Variants in DSCAML1 observed in about 807,000 individuals in gnomAD.
DSCAML1 encodes the protein cell adhesion molecule DSCAML1.
In DSCAML1, 38 loss-of-function variants were observed where a neutral mutation model predicts 200.5. The ratio of observed to expected loss-of-function variants is 0.19; its 90% CI spans 0.15 to 0.25. DSCAML1 has a LOEUF of 0.25. Among genes scored for constraint, DSCAML1 ranks in the 10% least tolerant of loss-of-function variants. DSCAML1 has a pLI of 1.00. For synonymous variants in DSCAML1, 1,215 were observed against 1,165.0 expected (o/e 1.04, Z -0.87); for missense variants, 2,223 against 2,858.8 (o/e 0.78, Z 5.07).
At chr11:117,526,062 C>T (rs149119719) in intron 4 of DSCAML1, among the ~76,000 whole-genome samples, 9 of 152,350 alleles carry the variant, frequency 5.9e-5, no homozygotes, top group African/African-American at 7.2e-5. Context: ...AAAACCATAG[C>T]GCCTGCGGGC....
chr11:117,447,569 A>G (rs1164939862), intron 20 of DSCAML1, among the ~76,000 whole-genome samples: 1 of 152,172 alleles, frequency 6.6e-6, no homozygotes, highest in Non-Finnish European at 1.5e-5. Context: ...ATTTTCTATA[A>G]TAAAATTGCA....
Position 117,518,877 on chromosome 11 carries a change from A to G in DSCAML1, c.1214-115T>C. 1 of 1,146,638 alleles carries G rather than the reference A, an allele frequency of 8.7e-7. No homozygotes were observed. The highest frequency in any genetic ancestry group is 1.2e-6 in the Non-Finnish European group (1 of 832,642). 71.0% of individuals were successfully genotyped at this position (1,146,638 alleles called of 1,614,324 possible). ...AAAGCAGCCATAAGAGCAAACAAGA[A>G]CTTTTGTGTACATCAATTCTTCTGC... On this transcript the variant is annotated intron_variant, in intron 6 of 32. Transcript: ENST00000651296. The surrounding 1 kb of genome is among the most constrained non-coding windows in gnomAD (Gnocchi z 6.3).
chr11:117,609,753 A>T (rs1248863431), intron 3 of DSCAML1, among the ~76,000 whole-genome samples: 1 of 151,958 alleles, frequency 6.6e-6, no homozygotes, highest in Non-Finnish European at 1.5e-5. Context: ...TTTTATTTTT[A>T]TCTATTGCCA....
At chr11:117,442,017 C>A (rs1487756354) in intron 21 of DSCAML1, among the ~76,000 whole-genome samples, 1 of 127,554 alleles carries the variant, frequency 7.8e-6, no homozygotes, top group Non-Finnish European at 1.6e-5. Flanking sequence ...TGTGCATCTG[C>A]ATGTGAGTGT....
intron 14 of DSCAML1, among the ~76,000 whole-genome samples, chr11:117,478,297 C>T (rs563100499): frequency 2.0e-5 from 3 of 152,284 alleles, no homozygotes; most frequent in African/African-American, 7.2e-5. Flanking sequence ...CACCTCCCAT[C>T]CCAGATGTGC....
chr11:117,503,812 G>C lies in DSCAML1; in HGVS notation c.2359+33C>G. Reference sequence around the variant, plus strand: ...GAGCCGGGGCTTGGCTGTGATTTGGGGGTGCTAGGGGGCGTGTGGGGACAG... The same window carrying C: ...GAGCCGGGGCTTGGCTGTGATTTGGCGGTGCTAGGGGGCGTGTGGGGACAG... On this transcript the variant is annotated intron_variant, in intron 11 of 32. Transcript: ENST00000651296. This position sits in a 1 kb window ranked among gnomAD's most constrained non-coding sequence, Gnocchi z 5.2. 6.2e-7 allele frequency: 1 copy of C among 1,600,030 alleles called. No individual in the cohort carries two copies. Among genetic ancestry groups the C allele is most frequent in the East Asian group, 2.2e-5 (1 of 44,654 alleles).
At chr11:117,577,526 C>T (rs150393180) in intron 3 of DSCAML1, among the ~76,000 whole-genome samples, 18 of 53,626 alleles carry the variant, frequency 3.4e-4, no homozygotes, top group African/African-American at 7.1e-4. Context: ...TCCTTCCTTC[C>T]TTCCTTCCTT....
Position 117,650,108 on chromosome 11 carries a change from G to A in DSCAML1, c.512-117586C>T, listed in dbSNP as rs191581483. ...GACTAGAGCTGTGGTCCCCAGATAC[G>A]GCTCCTCACTGGCATTATCTGTGAA... On this transcript the variant is annotated intron_variant, in intron 3 of 32. Transcript: ENST00000651296. 1.5e-4 allele frequency among the ~76,000 whole-genome samples: 23 copies of A among 152,260 alleles called. No individual in the cohort carries two copies. The East Asian group carries it at 3.7e-3, about 24-fold the overall frequency.
intron 1 of DSCAML1, among the ~76,000 whole-genome samples, chr11:117,781,123 C>T (rs1174916852): frequency 6.6e-6 from 1 of 151,836 alleles, no homozygotes; most frequent in African/African-American, 2.4e-5. Context: ...ATGATGAAAC[C>T]CCGTTTCTAC....
intron 3 of DSCAML1, among the ~76,000 whole-genome samples, chr11:117,586,716 G>A: frequency 6.6e-6 from 1 of 152,206 alleles, no homozygotes; most frequent in East Asian, 1.9e-4. Flanking sequence ...TAAGGGCAGG[G>A]AGAGCCTTCA....
intron 3 of DSCAML1, among the ~76,000 whole-genome samples, chr11:117,550,001 C>T (rs990094203): frequency 4.6e-5 from 7 of 152,166 alleles, no homozygotes; most frequent in Non-Finnish European, 8.8e-5. Context: ...AACCTTTCCA[C>T]ACTGGGTCAT....
At chr11:117,654,820 G>T (rs1439008468) in intron 3 of DSCAML1, among the ~76,000 whole-genome samples, 1 of 152,178 alleles carries the variant, frequency 6.6e-6, no homozygotes, top group African/African-American at 2.4e-5. Context: ...GGCGTGGAGG[G>T]CACTGAGCGG....
intron 2 of DSCAML1, among the ~76,000 whole-genome samples, chr11:117,777,482 A>G (rs2055148516): frequency 6.6e-6 from 1 of 152,200 alleles, no homozygotes; most frequent in South Asian, 2.1e-4. Flanking sequence ...CTCCTTCAAC[A>G]TGAAAGGCAG....
At chr11:117,740,371 T>A (rs1242326676) in intron 3 of DSCAML1, among the ~76,000 whole-genome samples, 3 of 152,146 alleles carry the variant, frequency 2.0e-5, no homozygotes, top group Non-Finnish European at 2.9e-5. Context: ...TCTATCTACA[T>A]CTAACATTAA....
chr11:117,480,503 G>C lies in DSCAML1; in HGVS notation c.2725C>G (p.Gln909Glu). Reference protein sequence around the residue: ...KARSMNLRWTQRFDGNSIITG... With the variant: ...KARSMNLRWTERFDGNSIITG... ...ATGATGCTGTTCCCGTCGAATCGCT[G>C]GGTCCAGCGCAGGTTCATGCTCCGG... Residue 909 changes from glutamine (Q) to glutamate (E), a missense_variant, in exon 14 of 33, where the codon CAG becomes GAG. Physicochemically the swap from Gln to Glu is conservative, Grantham distance 29 (BLOSUM62 2). Around this residue, in one of 7 missense-constraint regions of DSCAML1, gnomAD observed 438 missense variants for 629.7 expected, o/e 0.70. Transcript: ENST00000651296. The surrounding 1 kb of genome is among the most constrained non-coding windows in gnomAD (Gnocchi z 4.1). 4 of 1,609,220 alleles carry C rather than the reference G, an allele frequency of 2.5e-6. No individual in the cohort carries two copies. Among genetic ancestry groups the C allele is most frequent in the Non-Finnish European group, 3.4e-6 (4 of 1,177,862 alleles).
chr11:117,523,387 A>C (rs1225620874), intron 5 of DSCAML1, among the ~76,000 whole-genome samples: 1 of 152,186 alleles, frequency 6.6e-6, no homozygotes, highest in Non-Finnish European at 1.5e-5. Flanking sequence ...GGAGGTGCCA[A>C]TCCTGATCCT....
At chr11:117,665,021 T>C (rs976566099) in intron 3 of DSCAML1, among the ~76,000 whole-genome samples, 4 of 150,656 alleles carry the variant, frequency 2.7e-5, no homozygotes, top group African/African-American at 1.0e-4. Flanking sequence ...TTTGCCATGC[T>C]TGTTGGTAGC....
intron 3 of DSCAML1, among the ~76,000 whole-genome samples, chr11:117,727,026 G>C (rs1295374304): frequency 6.6e-6 from 1 of 152,152 alleles, no homozygotes; most frequent in Non-Finnish European, 1.5e-5. Flanking sequence ...CTGTGTGCCA[G>C]ATAGTACACT....
intron 19 of DSCAML1, among the ~76,000 whole-genome samples, chr11:117,456,595 G>A (rs771868881): frequency 4.0e-4 from 61 of 151,980 alleles, no homozygotes; most frequent in South Asian, 8.3e-4. Context: ...TGGATGAGAC[G>A]TCATCTGACA....
Sources: allele counts gnomAD v4.1 joint callset (sites outside exome capture counted in the v4.1 genomes callset), GRCh38; gene constraint gnomAD v4.1.1; regional missense constraint gnomAD v4.1.1; non-coding constraint Gnocchi (gnomAD v3.1); transcripts MANE v1.5; gene names NCBI Gene and HGNC (gene_info 2026-07-23, HGNC 2026-07-21).